Variants in SVOPL observed in about 807,000 individuals in gnomAD.
SVOPL encodes SVOP like, also known as putative transporter SVOPL.
SVOPL carries 60 observed loss-of-function variants against 61.0 expected under a neutral mutation model. The observed-to-expected ratio is 0.98, with a 90% CI of 0.80 to 1.22. The LOEUF is 1.22. SVOPL is among the 50% of genes most tolerant of loss of function. The pLI is 0.00. For synonymous variants in SVOPL, 279 were observed against 250.0 expected (o/e 1.12, Z -1.09); for missense variants, 662 against 643.9 (o/e 1.03, Z -0.30).
chr7:138,635,806 T>C (rs1356505532), intron 9 of SVOPL, among the ~76,000 whole-genome samples: 1 of 152,156 alleles, frequency 6.6e-6, no homozygotes, highest in Non-Finnish European at 1.5e-5. Context: ...ATGGGTGCCA[T>C]TTAGCAATCA....
chr7:138,649,018 G>A lies in SVOPL; in HGVS notation c.654C>T (p.Ala218=), dbSNP rs2117021212. Residue 218 remains alanine, a synonymous_variant, in exon 8 of 16, where the codon GCC becomes GCT. Transcript: ENST00000674285. ...ASIPGIILIV[A]FKFIPESARF... is the part of the protein sequence containing the mutation. ...GCCACAAGTGCTTCCCCACCTTGAAGGCCACGATGAGGATGATGCCCGGGA... is the reference window on the plus strand; with the variant it reads ...GCCACAAGTGCTTCCCCACCTTGAAAGCCACGATGAGGATGATGCCCGGGA... 3.1e-6 allele frequency: 5 copies of A among 1,613,828 alleles called. No homozygotes were observed. Among genetic ancestry groups the A allele is most frequent in the Non-Finnish European group, 4.2e-6 (5 of 1,179,908 alleles).
intron 6 of SVOPL, 63 bp downstream of exon 6, chr7:138,659,801 T>C: frequency 2.1e-6 from 3 of 1,461,300 alleles, no homozygotes; most frequent in Non-Finnish European, 2.8e-6. Context: ...GCGCAGTGTG[T>C]GTGCATCAGG....
At chr7:138,615,917 CAAG>C (rs1171974884) in intron 14 of SVOPL, among the ~76,000 whole-genome samples, 5 of 151,922 alleles carry the variant, frequency 3.3e-5, no homozygotes, top group Non-Finnish European at 5.9e-5. Context: ...TGTGAGGACA[CAAG>C]AAGGTAGCTG....
intron 7 of SVOPL, among the ~76,000 whole-genome samples, chr7:138,651,698 T>A (rs1281988055): frequency 6.6e-6 from 1 of 152,158 alleles, no homozygotes; most frequent in Non-Finnish European, 1.5e-5. Flanking sequence ...TTTTCATTGT[T>A]TGGGGGCACC....
chr7:138,661,667 G>C (rs1007609686), intron 5 of SVOPL: 2 of 935,580 alleles, frequency 2.1e-6, no homozygotes, highest in Non-Finnish European at 2.5e-6. Flanking sequence ...TCAGCTGATA[G>C]CATACCTTAT....
intron 7 of SVOPL, among the ~76,000 whole-genome samples, chr7:138,654,883 TTTAA>T (rs1278543154): frequency 1.7e-4 from 24 of 144,792 alleles, no homozygotes; most frequent in African/African-American, 5.2e-4. Context: ...TTTTTTTTTT[TTTAA>T]AAAAAAAAAG....
intron 8 of SVOPL, chr7:138,646,258 G>T: frequency 6.0e-6 from 1 of 165,804 alleles, no homozygotes; most frequent in Non-Finnish European, 1.3e-5. Context: ...CCAACAGCAA[G>T]CTGCGTAGCA....
intron 4 of SVOPL, among the ~76,000 whole-genome samples, chr7:138,669,239 C>T (rs1163986563): frequency 3.3e-5 from 5 of 152,060 alleles, no homozygotes; most frequent in Non-Finnish European, 1.5e-5. Context: ...TTGCTTGAGG[C>T]CAGGAGTAGA....
intron 14 of SVOPL, among the ~76,000 whole-genome samples, chr7:138,606,909 A>G (rs1233206911): frequency 6.6e-6 from 1 of 152,106 alleles, no homozygotes; most frequent in Non-Finnish European, 1.5e-5. Context: ...TGCTGGGATC[A>G]TACCATTGCA....
At chr7:138,597,332 A>T in intron 14 of SVOPL, 1 of 835,558 alleles carries the variant, frequency 1.2e-6, no homozygotes, top group South Asian at 1.8e-5. Context: ...TTTACAGATG[A>T]GCCTAGACTA....
chr7:138,620,682 A>C (rs1215623361), intron 14 of SVOPL, among the ~76,000 whole-genome samples: 1 of 152,076 alleles, frequency 6.6e-6, no homozygotes, highest in Non-Finnish European at 1.5e-5. Context: ...TCTGTTTTAC[A>C]GTTGCCACCT....
chr7:138,693,612 GAAA>G (rs1803001372), intron 1 of SVOPL, among the ~76,000 whole-genome samples: 1 of 115,082 alleles, frequency 8.7e-6, no homozygotes, highest in African/African-American at 3.4e-5. Context: ...AAAGAAAAAA[GAAA>G]GAAAGAAAAA....
chr7:138,684,543 G>T (rs74741723), intron 1 of SVOPL, among the ~76,000 whole-genome samples: 3,904 of 152,270 alleles, frequency 0.026, 92 homozygotes, highest in South Asian at 0.092. Context: ...TCAGAAAAAT[G>T]CAAATCAAAA....
At chr7:138,614,715 G>A (rs1362771809) in intron 14 of SVOPL, among the ~76,000 whole-genome samples, 1 of 152,110 alleles carries the variant, frequency 6.6e-6, no homozygotes, top group African/African-American at 2.4e-5. Context: ...ACTTCAAAGG[G>A]GTGATAAGGT....
intron 1 of SVOPL, among the ~76,000 whole-genome samples, chr7:138,684,096 G>A (rs768948441): frequency 6.6e-6 from 1 of 151,556 alleles, no homozygotes; most frequent in Non-Finnish European, 1.5e-5. Flanking sequence ...CAGGTGCAGC[G>A]GCTCACGTCT....
At chr7:138,602,626 G>A (rs987002570) in intron 14 of SVOPL, among the ~76,000 whole-genome samples, 2 of 151,978 alleles carry the variant, frequency 1.3e-5, no homozygotes, top group Non-Finnish European at 2.9e-5. Context: ...TCCACATCTG[G>A]ACAAGCTTAT....
chr7:138,624,252 T>C (rs1186360376), intron 13 of SVOPL, among the ~76,000 whole-genome samples: 3 of 152,248 alleles, frequency 2.0e-5, no homozygotes, highest in Non-Finnish European at 4.4e-5. Flanking sequence ...TTAATAGAAC[T>C]GATGCTTAAT....
chr7:138,644,647 C>A (rs560891848), intron 9 of SVOPL, 70 bp downstream of exon 9: 5 of 1,572,856 alleles, frequency 3.2e-6, no homozygotes, highest in African/African-American at 2.7e-5. Flanking sequence ...CTCCCTCCAG[C>A]CTTCCACAAC....
chr7:138,606,691 C>T (rs1208094816), intron 14 of SVOPL, among the ~76,000 whole-genome samples: 3 of 152,162 alleles, frequency 2.0e-5, no homozygotes, highest in African/African-American at 7.2e-5. Context: ...CAGTGGCTGT[C>T]ACCTGTAATC....
Sources: gnomAD v4.1 joint callset for allele counts (sites outside exome capture counted in the v4.1 genomes callset) on GRCh38, gnomAD v4.1.1 for gene constraint, MANE v1.5 for transcripts, NCBI Gene and HGNC (gene_info 2026-07-23, HGNC 2026-07-21) for gene names.